The following DHX57 variants were observed in gnomAD, a reference collection of about 807,000 sequenced individuals.
The protein encoded by DHX57 is putative ATP-dependent RNA helicase DHX57.
In DHX57, 105 loss-of-function variants were observed where a neutral mutation model predicts 156.2. The ratio of observed to expected loss-of-function variants is 0.67; its 90% confidence interval spans 0.57 to 0.79. The LOEUF (loss-of-function observed/expected upper bound fraction) is 0.79. Ranked by LOEUF, DHX57 falls within the 30% of genes least tolerant of loss-of-function variation. The pLI is 0.00. For synonymous variants in DHX57, 704 were observed against 595.6 expected, an observed-to-expected ratio of 1.18 and a Z score of -2.65; for missense variants, 1,847 against 1,661.9, an observed-to-expected ratio of 1.11 and a Z score of -1.94.
rs146532365 is a variant in DHX57, at chr2:38,856,420, T to G, written c.1629A>C (p.Ser543=). The change falls in exon 7 of 24, where the codon TCA becomes TCC. Residue 543 remains serine, a synonymous_variant. Transcript: ENST00000457308. ...QFQSILQERQ[S]LPAWEERETI... is the part of the protein sequence containing the mutation. ...TTTCTCTTTCTTCCCAAGCAGGGAG[T>G]GATTGCCTCTCTTGCAGAATGGACT... 4.7e-4 allele frequency: 756 copies of G among 1,613,648 alleles called. 6 individuals are homozygous for G. In the African/African-American group the frequency reaches 9.0e-3, roughly 19 times the overall value.
rs200152145 is a variant in DHX57, at chr2:38,861,173, T to C, written c.1237A>G (p.Thr413Ala). The change falls in exon 5 of 24, where the codon ACC becomes GCC. Residue 413 changes from threonine (T) to alanine (A), a missense_variant. Coordinates refer to ENST00000457308, the MANE Select transcript of DHX57 (RefSeq NM_198963.3). ...ATTTCCGACTCTTCCTCTAAAAGGG[T>C]TATCAAAGAATATACGACAGGTTCC... is the stretch of plus-strand genomic sequence containing the variant. ...TSEPVVYSLI[T>A]LLEEESEIVK... 2.5e-5 allele frequency: 40 copies of C among 1,614,136 alleles called. 1 individual carries two copies. The highest frequency in any genetic ancestry group is 1.6e-4 in the Middle Eastern group (1 of 6,062).
At chr2:38,808,180 C>G (rs902083933) in intron 21 of DHX57, among the ~76,000 whole-genome samples, 1 of 145,790 alleles carries the variant, frequency 6.9e-6, no homozygotes, top group African/African-American at 2.6e-5. Context: ...GTCTCGATCT[C>G]TTGACCTTGT....
chr2:38,848,870 G>A (rs1672429991), intron 9 of DHX57, among the ~76,000 whole-genome samples: 2 of 152,194 alleles, frequency 1.3e-5, no homozygotes, highest in South Asian at 4.1e-4. Flanking sequence ...CAGCACTCAA[G>A]AAGTTTCAGA....
Position 38,798,402 on chromosome 2 carries a change from T to G in DHX57, c.4058A>C (p.Gln1353Pro). 1 of 1,614,008 alleles carries G rather than the reference T, an allele frequency of 6.2e-7. No individual in the cohort carries two copies. The highest frequency in any genetic ancestry group is 8.5e-7 in the Non-Finnish European group (1 of 1,179,964). ...LVKELRCELD[Q>P]LLQDKIKNPS... ...GTTTTTAATTTTATCCTGGAGAAGC[T>G]GATCAAGTTCGCAACGAAGCTCCTT... is the stretch of plus-strand genomic sequence containing the variant. Residue 1353 changes from glutamine (Q) to proline (P), a missense_variant, in exon 24 of 24, where the codon CAG (glutamine) becomes CCG (proline). By Grantham distance (76) the Gln-to-Pro change is moderately conservative (BLOSUM62 -1). Coordinates refer to ENST00000457308, the MANE Select transcript of DHX57 (RefSeq NM_198963.3).
intron 1 of DHX57, among the ~76,000 whole-genome samples, chr2:38,872,821 G>C (rs1478454386): frequency 6.6e-6 from 1 of 152,076 alleles, no homozygotes; most frequent in African/African-American, 2.4e-5. Flanking sequence ...AGAACAACTA[G>C]ACAGAGGATC....
Position 38,826,061 on chromosome 2 carries a change from GAA to G in DHX57, c.2814-16_2814-15del. The G allele has an allele frequency of 1.2e-6, 2 of 1,609,974 alleles. No homozygotes were observed. Among genetic ancestry groups the G allele is most frequent in the Non-Finnish European group, 1.7e-6 (2 of 1,177,468 alleles). On this transcript the variant is annotated splice_polypyrimidine_tract_variant and intron_variant, in intron 15 of 23. Coordinates refer to ENST00000457308, the MANE Select transcript of DHX57 (RefSeq NM_198963.3). ...CTGGCATCATATCTATAAAGAAAAA[GAA>G]AATATAAATTGAGTCATTTTATAAA...
intron 21 of DHX57, chr2:38,811,683 G>A: frequency 9.7e-7 from 1 of 1,025,952 alleles, no homozygotes; most frequent in East Asian, 2.6e-5. Context: ...TGCAATTCCT[G>A]GTGCCTGGAA....
intron 1 of DHX57, among the ~76,000 whole-genome samples, chr2:38,870,287 G>A (rs1665293088): frequency 6.6e-6 from 1 of 151,898 alleles, no homozygotes; most frequent in Admixed American, 6.6e-5. Flanking sequence ...GAAAAGAGCA[G>A]AAAAAATATT....
At position 38,868,909 on chromosome 2, in the gene DHX57, C is replaced by G. The variant is rs1209019591; in HGVS notation, c.-6-498G>C. 2.0e-5 allele frequency among the ~76,000 whole-genome samples: 3 copies of G among 152,230 alleles called. No homozygotes were observed. The East Asian group carries it at 5.8e-4, about 29-fold the overall frequency. On this transcript the variant is annotated intron_variant, in intron 1 of 23. Coordinates refer to ENST00000457308, the MANE Select transcript of DHX57 (RefSeq NM_198963.3). ...CTCTGCCTCCTGGGTTCAAGCAATT[C>G]TCCTACCTCAGCCTCTGGAGTAGCT...
At chr2:38,812,911 G>A (rs1387500152) in intron 21 of DHX57, among the ~76,000 whole-genome samples, 1 of 150,978 alleles carries the variant, frequency 6.6e-6, no homozygotes, top group Non-Finnish European at 1.5e-5. Context: ...ACAGTGGCAT[G>A]GTCTTGGCTT....
intron 9 of DHX57, among the ~76,000 whole-genome samples, chr2:38,851,824 G>A (rs1038144896): frequency 3.9e-5 from 6 of 152,096 alleles, no homozygotes; most frequent in African/African-American, 1.2e-4. Context: ...TAATCTGAGA[G>A]AATGTTTTAT....
rs772040735 is a variant in DHX57, at chr2:38,806,724, T to A, written c.3682-31A>T. The A allele has an allele frequency of 3.8e-6, 6 of 1,588,320 alleles. No individual in the cohort carries two copies. In the East Asian group the frequency reaches 1.4e-4, roughly 37 times the overall value. On this transcript the variant is annotated intron_variant, in intron 21 of 23. Transcript: ENST00000457308. ...CAACAAGTATTTGTAAAAATAGACA[T>A]ATAATATATATATTCTCATAGAAAG...
At chr2:38,859,927 C>G (rs1196416681) in intron 5 of DHX57, among the ~76,000 whole-genome samples, 2 of 151,498 alleles carry the variant, frequency 1.3e-5, no homozygotes, top group Non-Finnish European at 2.9e-5. Context: ...TCCCCCACAT[C>G]AGCCTCTTGA....
At chr2:38,801,663 C>T (rs1283749060) in intron 23 of DHX57, among the ~76,000 whole-genome samples, 1 of 151,952 alleles carries the variant, frequency 6.6e-6, no homozygotes, top group African/African-American at 2.4e-5. Flanking sequence ...GGCGCAATCT[C>T]GGCTCACTGC....
chr2:38,808,501 CTTG>C (rs1262395282), intron 21 of DHX57, among the ~76,000 whole-genome samples: 1 of 151,796 alleles, frequency 6.6e-6, no homozygotes, highest in African/African-American at 2.4e-5. Context: ...TATATAAGAC[CTTG>C]TTGTAAGAAT....
intron 19 of DHX57, among the ~76,000 whole-genome samples, chr2:38,816,674 C>G (rs1274395533): frequency 6.6e-6 from 1 of 152,202 alleles, no homozygotes; most frequent in Non-Finnish European, 1.5e-5. Flanking sequence ...CTAAGCAACA[C>G]TACCCTGTCT....
Position 38,826,390 on chromosome 2 carries a change from C to T in DHX57, c.2813+126G>A, listed in dbSNP as rs1039419602. On this transcript the variant is annotated intron_variant, in intron 15 of 23. Coordinates refer to ENST00000457308, the MANE Select transcript of DHX57 (RefSeq NM_198963.3). ...ACACAATCATTCACACATCCACGTA[C>T]AGTTTTCACAAAGTATTTTTTCATA... 5.4e-6 allele frequency: 6 copies of T among 1,116,896 alleles called. No individual in the cohort carries two copies. The African/African-American group carries it at 9.4e-5, about 17-fold the overall frequency. 69.2% of individuals were successfully genotyped at this position (1,116,896 alleles called of 1,614,324 possible).
intron 21 of DHX57, among the ~76,000 whole-genome samples, chr2:38,810,217 T>C (rs1159091602): frequency 7.3e-5 from 11 of 151,548 alleles, no homozygotes; most frequent in Non-Finnish European, 1.5e-5. Flanking sequence ...TTTTTTTTTT[T>C]TAATTGTCAT....
intron 1 of DHX57, among the ~76,000 whole-genome samples, chr2:38,872,387 CAAT>C (rs1322376512): frequency 7.9e-5 from 12 of 152,090 alleles, no homozygotes; most frequent in African/African-American, 2.7e-4. Flanking sequence ...AGTATATAGA[CAAT>C]AAAAATAAAT....
Sources: gnomAD v4.1 joint callset for allele counts (sites outside exome capture counted in the v4.1 genomes callset) on GRCh38, gnomAD v4.1.1 for gene constraint, MANE v1.5 for transcripts, NCBI Gene and HGNC (gene_info 2026-07-23, HGNC 2026-07-21) for gene names.